Variants in EPG5 observed in about 807,000 individuals in gnomAD.
The protein encoded by EPG5 is ectopic P-granules 5 autophagy tethering factor.
In EPG5, 159 loss-of-function variants were observed where a neutral mutation model predicts 302.7. The observed-to-expected ratio is 0.53, with a 90% CI of 0.46 to 0.60. The LOEUF (loss-of-function observed/expected upper bound fraction) is 0.60, where lower values mean the gene tolerates loss of function less well. Among genes scored for constraint, EPG5 ranks in the 20% least tolerant of loss-of-function variants. The probability of loss-of-function intolerance (pLI) is 0.00; values close to 1 mark genes in which losing one functional copy is unlikely to be tolerated. For synonymous variants in EPG5, 1,158 were observed against 1,136.8 expected (o/e 1.02, Z -0.37); for missense variants, 2,896 against 3,092.4 (o/e 0.94, Z 1.51).
In EPG5 at chr18:45,912,293, T is replaced by C. The variant is rs1410796384; in HGVS notation, c.3980A>G (p.Tyr1327Cys). Residue 1327 changes from tyrosine to cysteine, a missense_variant, in exon 22 of 44, where the codon TAT becomes TGT. Physicochemically the swap from Tyr to Cys is radical, Grantham distance 194. Coordinates refer to ENST00000282041, the MANE Select transcript of EPG5 (RefSeq NM_020964.3). ...CCTACAATACTGGGCAGCATACCCA[T>C]ACTGTGGTCCCGGACGGTGAAGATA... ...LLYLHRPGPQ[Y>C]GLPIDGCIGR... 14 of 1,588,332 alleles carry C rather than the reference T, an allele frequency of 8.8e-6. No homozygotes were observed. In the East Asian group the frequency reaches 2.5e-4, roughly 28 times the overall value.
At chr18:45,874,804 CA>C (rs1234374097) in intron 35 of EPG5, among the ~76,000 whole-genome samples, 5 of 152,204 alleles carry the variant, frequency 3.3e-5, no homozygotes, top group African/African-American at 1.2e-4. Context: ...ATGGCAGCCA[CA>C]GGGGCACTAG....
At chr18:45,938,295 T>C (rs1353999181) in intron 10 of EPG5, among the ~76,000 whole-genome samples, 1 of 152,054 alleles carries the variant, frequency 6.6e-6, no homozygotes, top group African/African-American at 2.4e-5. Flanking sequence ...ACCCCGTCTC[T>C]ACTACAAACC....
chr18:45,946,649 A>G lies in EPG5; in HGVS notation c.1677+14T>C. 1.3e-6 allele frequency: 2 copies of G among 1,587,560 alleles called. No homozygotes were observed. Among genetic ancestry groups the G allele is most frequent in the Non-Finnish European group, 1.7e-6 (2 of 1,156,158 alleles). On this transcript the variant is annotated intron_variant, in intron 7 of 43. Coordinates refer to ENST00000282041, the MANE Select transcript of EPG5 (RefSeq NM_020964.3). ...ACAATGATTCATCAAAATAATGCAG[A>G]TATGACAAGTTACCTCTTCTCCTCC...
At chr18:45,907,824 C>T in intron 24 of EPG5, 134 bp downstream of exon 24, 1 of 867,286 alleles carries the variant, frequency 1.2e-6, no homozygotes, top group Non-Finnish European at 1.7e-6. Context: ...ACTGACAAAA[C>T]CATAGAAACA....
chr18:45,953,782 G>A (rs529645836), intron 2 of EPG5: 2 of 985,180 alleles, frequency 2.0e-6, no homozygotes, highest in East Asian at 2.3e-4. Context: ...CTGGAGCTAG[G>A]AATCAGTTAC....
At chr18:45,824,611 G>T in the EPG5 span, among the ~76,000 whole-genome samples, 1 of 152,206 alleles carries the variant, frequency 6.6e-6, no homozygotes, top group Non-Finnish European at 1.5e-5. Context: ...CCAAGAAGTT[G>T]AAGGAGTCCC....
At chr18:45,838,547 A>T in the EPG5 span, 1 of 824,192 alleles carries the variant, frequency 1.2e-6, no homozygotes, top group Non-Finnish European at 1.8e-6. Context: ...AAGCAGAAGC[A>T]GAGATGATAG....
chr18:45,901,936 C>T (rs1466451810), intron 25 of EPG5, among the ~76,000 whole-genome samples: 1 of 152,188 alleles, frequency 6.6e-6, no homozygotes, highest in African/African-American at 2.4e-5. Context: ...CCTATCTTCC[C>T]TCCCTCTCCC....
In EPG5 at chr18:45,944,020, CAAG is replaced by C; in HGVS notation, c.1774_1776del (p.Leu592del). The C allele has an allele frequency of 6.2e-7, 1 of 1,611,358 alleles. No homozygotes were observed. Among genetic ancestry groups the C allele is most frequent in the Non-Finnish European group, 8.5e-7 (1 of 1,177,598 alleles). On this transcript the variant is annotated inframe_deletion, in exon 8 of 44. Transcript: ENST00000282041. ...ATGAGTCTACCTTTTGCTTTAAACC[CAAG>C]AAGATGCTGAAAGAGTTCATGAAAG...
In EPG5 at chr18:45,854,218, G is replaced by T. The variant is rs115871382; in HGVS notation, c.7557+1355C>A. On this transcript the variant is annotated intron_variant, in intron 43 of 43. Coordinates refer to ENST00000282041, the MANE Select transcript of EPG5 (RefSeq NM_020964.3). The stretch of plus-strand genomic sequence containing the variant: ...AAGACAATAGGGGATTCAAACAGCA[G>T]CTGTCTAGGCAATGAGTGACAACTA... 4.1e-3 allele frequency among the ~76,000 whole-genome samples: 620 copies of T among 152,314 alleles called. 7 individuals carry two copies. Among genetic ancestry groups the T allele is most frequent in the African/African-American group, 0.014 (575 of 41,574 alleles).
intron 27 of EPG5, among the ~76,000 whole-genome samples, chr18:45,895,138 G>A (rs2049442000): frequency 6.6e-6 from 1 of 152,174 alleles, no homozygotes; most frequent in South Asian, 2.1e-4. Context: ...GAAAATACAG[G>A]AATGAAGTAG....
At chr18:45,937,300 GTATA>G (rs1454966579) in intron 10 of EPG5, among the ~76,000 whole-genome samples, 16 of 110,152 alleles carry the variant, frequency 1.5e-4, no homozygotes, top group African/African-American at 5.4e-4. Context: ...ACACATACAC[GTATA>G]TATTTATATA....
intron 33 of EPG5, among the ~76,000 whole-genome samples, chr18:45,878,721 C>A (rs1215094184): frequency 6.6e-6 from 1 of 152,142 alleles, no homozygotes; most frequent in Non-Finnish European, 1.5e-5. Context: ...TTTAGAACCC[C>A]ATCTTAGTAA....
At chr18:45,962,610 C>T (rs1267491832) in intron 1 of EPG5, among the ~76,000 whole-genome samples, 2 of 152,122 alleles carry the variant, frequency 1.3e-5, no homozygotes, top group African/African-American at 2.4e-5. Context: ...ACCTAGCAGC[C>T]GAGGTTAGCT....
chr18:45,843,167 A>T (rs1272228928), downstream of EPG5: 2 of 152,240 alleles, frequency 1.3e-5, no homozygotes, highest in East Asian at 1.9e-4. Context: ...TCCGTGCGTA[A>T]AGCAGCTACA....
rs192311243 is a variant in EPG5 at position 45,853,920 on chromosome 18, G to A, written c.7558-1271C>T. On this transcript the variant is annotated intron_variant, in intron 43 of 43. Transcript: ENST00000282041. ...AGTCTACTTTGACAGTTTGCCTAAC[G>A]ATAATCATTTTCTAAAAAGACAACT... Among the ~76,000 whole-genome samples, 24 of 152,210 alleles carry A rather than the reference G, an allele frequency of 1.6e-4. No individual in the cohort carries two copies. In the East Asian group the frequency reaches 2.7e-3, roughly 17 times the overall value.
At chr18:45,826,342 CTTGGT>C in the EPG5 span, among the ~76,000 whole-genome samples, 11 of 152,112 alleles carry the variant, frequency 7.2e-5, no homozygotes, top group African/African-American at 2.7e-4. Flanking sequence ...AGCTCGGTGA[CTTGGT>C]ATCCTGGGAA....
intron 22 of EPG5, among the ~76,000 whole-genome samples, chr18:45,911,943 G>T (rs1022786745): frequency 6.6e-6 from 1 of 152,002 alleles, no homozygotes; most frequent in Non-Finnish European, 1.5e-5. Context: ...TCATCACAAG[G>T]TCCCCTCCTA....
rs780889226 is a variant in EPG5, at chr18:45,857,962, G to A, written c.7333C>T (p.Arg2445Ter). The A allele has an allele frequency of 5.6e-6, 9 of 1,613,386 alleles. No individual in the cohort carries two copies. The highest frequency in any genetic ancestry group is 1.7e-5 in the Admixed American group (1 of 60,002). ...CTGCTCTGAACCAAGAGCAGAATTCGAATGACAGATTCTGTCAGGACGGAG... is the reference window on the plus strand; with the variant it reads ...CTGCTCTGAACCAAGAGCAGAATTCAAATGACAGATTCTGTCAGGACGGAG... ...NDSVLTESVI[R>*]ILLLVQSRQN... The change falls in exon 42 of 44, where the codon CGA (arginine) becomes TGA (stop). Residue 2445 changes from arginine (R) to a stop codon, truncating the protein, a stop_gained. Transcript: ENST00000282041. LOFTEE classifies it high-confidence loss of function.
Sources: allele counts gnomAD v4.1 joint callset (sites outside exome capture counted in the v4.1 genomes callset), GRCh38; gene constraint gnomAD v4.1.1; transcripts MANE v1.5; gene names NCBI Gene and HGNC (gene_info 2026-07-23, HGNC 2026-07-21).